Variants in WDR33 observed in about 807,000 individuals in gnomAD.
WDR33 encodes pre-mRNA 3' end processing protein WDR33.
A neutral mutation model predicts 164.9 loss-of-function variants in WDR33; 47 were observed. That is an observed-to-expected ratio of 0.29 (90% CI 0.23 to 0.36). The LOEUF (loss-of-function observed/expected upper bound fraction) is 0.36, where lower values mean the gene tolerates loss of function less well. Ranked by LOEUF, WDR33 falls within the 10% of genes least tolerant of loss-of-function variation. The pLI is 1.00. For missense variants in WDR33, 1,137 were observed against 1,754.1 expected (o/e 0.65, Z 6.28); for synonymous variants, 505 against 589.0 (o/e 0.86, Z 2.06).
At chr2:127,747,830 A>G (rs540916168) in intron 7 of WDR33, among the ~76,000 whole-genome samples, 8 of 152,336 alleles carry the variant, frequency 5.3e-5, no homozygotes, top group African/African-American at 1.9e-4. Flanking sequence ...AGTAAAAAGC[A>G]GCAGCCCCTG....
At chr2:127,749,992 GT>G (rs145353342) in intron 7 of WDR33, among the ~76,000 whole-genome samples, 3,230 of 151,848 alleles carry the variant, frequency 0.021, 121 homozygotes, top group African/African-American at 0.075. Flanking sequence ...AGTCAAAAAT[GT>G]TATCAGCTTA....
At position 127,709,376 on chromosome 2, in the gene WDR33, C is replaced by A; in HGVS notation, c.3565+114G>T. On this transcript the variant is annotated intron_variant, in intron 20 of 21. Coordinates refer to ENST00000322313, the MANE Select transcript of WDR33 (RefSeq NM_018383.5). The surrounding 1 kb of genome is among the most constrained non-coding windows in gnomAD (Gnocchi z 5.0). Reference sequence around the variant, plus strand: ...CTGCAGGACAGGAGACAGCCCAGCCCCCCGGGAGACATGAGCTGGAAAGAG... The same window carrying A: ...CTGCAGGACAGGAGACAGCCCAGCCACCCGGGAGACATGAGCTGGAAAGAG... The A allele has an allele frequency of 9.9e-7, 1 of 1,013,318 alleles. No homozygotes were observed. The highest frequency in any genetic ancestry group is 1.5e-6 in the Non-Finnish European group (1 of 659,588). The allele number at this position is 1,013,318 out of a possible 1,614,324, so 62.8% of individuals were successfully genotyped here.
chr2:127,774,578 C>T (rs1688121618), intron 1 of WDR33, among the ~76,000 whole-genome samples: 1 of 148,524 alleles, frequency 6.7e-6, no homozygotes, highest in East Asian at 2.0e-4. Context: ...GCCTGTAATC[C>T]CAGCACTTTG....
intron 4 of WDR33, among the ~76,000 whole-genome samples, chr2:127,767,366 C>T (rs779106949): frequency 6.6e-6 from 1 of 152,002 alleles, no homozygotes; most frequent in African/African-American, 2.4e-5. Context: ...CTATGAAAAT[C>T]GGGGTTATAA....
In WDR33 at chr2:127,720,485, G is replaced by A; in HGVS notation, c.1672-132C>T. ...CTGCTCAAACTCTTCACGCTCCAGT[G>A]GTAATTAGAGTCCATGCAACACTCA... On this transcript the variant is annotated intron_variant, in intron 15 of 21. Coordinates refer to ENST00000322313, the MANE Select transcript of WDR33 (RefSeq NM_018383.5). The surrounding 1 kb of genome is among the most constrained non-coding windows in gnomAD (Gnocchi z 5.9). The A allele has an allele frequency of 9.1e-7, 1 of 1,098,704 alleles. No individual in the cohort carries two copies. Among genetic ancestry groups the A allele is most frequent in the Non-Finnish European group, 1.2e-6 (1 of 824,118 alleles). 68.1% of individuals were successfully genotyped at this position (1,098,704 alleles called of 1,614,324 possible).
intron 1 of WDR33, among the ~76,000 whole-genome samples, chr2:127,801,834 A>C (rs1689260775): frequency 6.6e-6 from 1 of 151,902 alleles, no homozygotes; most frequent in Non-Finnish European, 1.5e-5. Context: ...CAGTGAGCCG[A>C]GATCGTGCCA....
Position 127,709,391 on chromosome 2 carries a change from G to A in WDR33, c.3565+99C>T. On this transcript the variant is annotated intron_variant, in intron 20 of 21. Transcript: ENST00000322313. This position sits in a 1 kb window ranked among gnomAD's most constrained non-coding sequence, Gnocchi z 5.0. ...CAGCCCAGCCCCCCGGGAGACATGA[G>A]CTGGAAAGAGGAGACCCGGTGCACC... 8.6e-7 allele frequency: 1 copy of A among 1,161,806 alleles called. No individual in the cohort carries two copies. Among genetic ancestry groups the A allele is most frequent in the South Asian group, 1.3e-5 (1 of 77,252 alleles). The allele number at this position is 1,161,806 out of a possible 1,614,324, so 72.0% of individuals were successfully genotyped here. A position where few individuals can be genotyped will look rare whatever the true frequency, so the allele number is the denominator to read the frequency against.
At chr2:127,792,440 C>G (rs1276697809) in intron 1 of WDR33, among the ~76,000 whole-genome samples, 1 of 151,760 alleles carries the variant, frequency 6.6e-6, no homozygotes, top group Non-Finnish European at 1.5e-5. Context: ...GCGGGCAGAT[C>G]ACTTGAGGTC....
At chr2:127,788,515 T>C (rs1354726333) in intron 1 of WDR33, among the ~76,000 whole-genome samples, 25 of 60,194 alleles carry the variant, frequency 4.2e-4, no homozygotes, top group South Asian at 7.4e-4. Flanking sequence ...GCTGGCCGGG[T>C]GGGGGGGCTG....
intron 7 of WDR33, among the ~76,000 whole-genome samples, chr2:127,751,222 A>AT (rs1430744288): frequency 6.6e-6 from 1 of 151,938 alleles, no homozygotes; most frequent in Non-Finnish European, 1.5e-5. Context: ...TTAGCCACAC[A>AT]TGGTGGCATG....
rs1686029689 is a variant in WDR33 at position 127,706,892 on chromosome 2, C to T, written c.3782-340G>A. Among the ~76,000 whole-genome samples, 1 of 152,232 alleles carries T rather than the reference C, an allele frequency of 6.6e-6. No homozygotes were observed. The highest frequency in any genetic ancestry group is 2.1e-4 in the South Asian group (1 of 4,834). On this transcript the variant is annotated intron_variant, in intron 21 of 21. Coordinates refer to ENST00000322313, the MANE Select transcript of WDR33 (RefSeq NM_018383.5). The surrounding 1 kb of genome is among the most constrained non-coding windows in gnomAD (Gnocchi z 5.1). ...AGGCCATGGGAAGTGTATCTGCCTG[C>T]TCCCAGCCACCAGGGTATATTGAGG...
chr2:127,732,155 ACAGACG>A, intron 7 of WDR33, among the ~76,000 whole-genome samples: 1 of 144,218 alleles, frequency 6.9e-6, no homozygotes, highest in Non-Finnish European at 1.5e-5. Context: ...ACACACACAC[ACAGACG>A]GACACCCCAA....
rs1416499355 is a variant in WDR33, at chr2:127,771,030, C to T, written c.-23-26G>A. 1.9e-6 allele frequency: 3 copies of T among 1,567,134 alleles called. No homozygotes were observed. In the South Asian group the frequency reaches 3.4e-5, roughly 18 times the overall value. On this transcript the variant is annotated intron_variant, in intron 1 of 21. Coordinates refer to ENST00000322313, the MANE Select transcript of WDR33 (RefSeq NM_018383.5). The stretch of plus-strand genomic sequence containing the variant: ...CTAGGATAAGGAAAAAGTACTTTCA[C>T]TACAAATATCAGCACTGCAACACTG...
rs968876502 is a variant in WDR33 at position 127,705,396 on chromosome 2, T to C, written c.*927A>G. ...CTGCCGTAACACTGGTATTTCCACA[T>C]AGTATGGAAGAGGAAGAGAGGAAAA... On this transcript the variant is annotated 3_prime_UTR_variant, in exon 22 of 22. Transcript: ENST00000322313. This position sits in a 1 kb window ranked among gnomAD's most constrained non-coding sequence, Gnocchi z 4.5. 1.9e-5 allele frequency: 3 copies of C among 154,020 alleles called. No homozygotes were observed. The highest frequency in any genetic ancestry group is 6.5e-5 in the Admixed American group (1 of 15,292). The allele number at this position is 154,020 out of a possible 1,614,324, so 9.5% of individuals were successfully genotyped here. A position where few individuals can be genotyped will look rare whatever the true frequency, so the allele number is the denominator to read the frequency against.
At chr2:127,796,822 G>C (rs1272066623) in intron 1 of WDR33, among the ~76,000 whole-genome samples, 1 of 151,928 alleles carries the variant, frequency 6.6e-6, no homozygotes, top group African/African-American at 2.4e-5. Flanking sequence ...TACACATTCT[G>C]GTTGTTTGAA....
chr2:127,750,714 G>GTATGCATACATATATA (rs1558937023), intron 7 of WDR33, among the ~76,000 whole-genome samples: 1 of 33,330 alleles, frequency 3.0e-5, no homozygotes, highest in African/African-American at 1.7e-4. Flanking sequence ...ATATATATAT[G>GTATGCATACATATATA]TATGTATGCA....
At chr2:127,745,101 T>G (rs1445794205) in intron 7 of WDR33, among the ~76,000 whole-genome samples, 1 of 152,220 alleles carries the variant, frequency 6.6e-6, no homozygotes, top group Non-Finnish European at 1.5e-5. Context: ...GAAGGATCAA[T>G]GTAAATCCAT....
At chr2:127,745,527 CAA>C (rs1291143463) in intron 7 of WDR33, among the ~76,000 whole-genome samples, 1 of 152,074 alleles carries the variant, frequency 6.6e-6, no homozygotes, top group Non-Finnish European at 1.5e-5. Flanking sequence ...CAAAGAAAAT[CAA>C]AGACTGAAGA....
At chr2:127,779,423 G>A (rs150139389) in intron 1 of WDR33, among the ~76,000 whole-genome samples, 2,161 of 152,022 alleles carry the variant, frequency 0.014, 63 homozygotes, top group African/African-American at 0.05. Context: ...CCAAGATCAC[G>A]ACACTGCACT....
Sources: allele counts gnomAD v4.1 joint callset (sites outside exome capture counted in the v4.1 genomes callset), GRCh38; gene constraint gnomAD v4.1.1; non-coding constraint Gnocchi (gnomAD v3.1); transcripts MANE v1.5; gene names NCBI Gene and HGNC (gene_info 2026-07-23, HGNC 2026-07-21).